Variants in PPP3CA observed in about 807,000 individuals in gnomAD.
PPP3CA encodes the protein protein phosphatase 3 catalytic subunit alpha.
In PPP3CA, 14 loss-of-function variants were observed where a neutral mutation model predicts 66.5. That is an observed-to-expected ratio of 0.21 (90% CI 0.14 to 0.33). The LOEUF (loss-of-function observed/expected upper bound fraction) is 0.33, where lower values mean the gene tolerates loss of function less well. Among genes scored for constraint, PPP3CA ranks in the 10% least tolerant of loss-of-function variants. The probability of loss-of-function intolerance (pLI) is 1.00; values close to 1 mark genes in which losing one functional copy is unlikely to be tolerated. For missense variants in PPP3CA, 317 were observed against 639.5 expected, an observed-to-expected ratio of 0.50 and a Z score of 5.44; for synonymous variants, 232 against 226.2, an observed-to-expected ratio of 1.03 and a Z score of -0.23.
intron 1 of PPP3CA, among the ~76,000 whole-genome samples, chr4:101,286,998 T>G (rs1344818891): frequency 2.0e-5 from 3 of 151,862 alleles, no homozygotes; most frequent in African/African-American, 7.3e-5. Context: ...GCATATATAT[T>G]CTTTCCAGCA....
At chr4:101,218,686 G>A (rs537214982) in intron 1 of PPP3CA, among the ~76,000 whole-genome samples, 6 of 151,970 alleles carry the variant, frequency 3.9e-5, no homozygotes, top group East Asian at 1.9e-4. Flanking sequence ...CCAACATCCC[G>A]ATAAGATAGG....
At chr4:101,222,764 G>A (rs1725666955) in intron 1 of PPP3CA, among the ~76,000 whole-genome samples, 2 of 151,650 alleles carry the variant, frequency 1.3e-5, no homozygotes, top group Admixed American at 6.6e-5. Context: ...AAATATGAAC[G>A]AACTTTCATT....
intron 2 of PPP3CA, among the ~76,000 whole-genome samples, chr4:101,180,564 C>A (rs765530342): frequency 3.9e-5 from 6 of 152,006 alleles, no homozygotes; most frequent in Non-Finnish European, 8.8e-5. Context: ...GTTGACCTTC[C>A]CTGATAATTA....
chr4:101,077,896 T>A (rs184166413), intron 8 of PPP3CA, among the ~76,000 whole-genome samples: 2 of 152,130 alleles, frequency 1.3e-5, no homozygotes, highest in East Asian at 3.9e-4. Flanking sequence ...AGACACCTTA[T>A]TTGAGAAATA....
intron 2 of PPP3CA, among the ~76,000 whole-genome samples, chr4:101,163,960 TTTTTA>T (rs1723604038): frequency 6.6e-6 from 1 of 150,554 alleles, no homozygotes; most frequent in South Asian, 2.1e-4. Context: ...CACAGTTTTA[TTTTTA>T]TTTTATTTTT....
rs562643231 is a variant in PPP3CA, at chr4:101,091,906, G to A, written c.782+1870C>T. Among the ~76,000 whole-genome samples, 15 of 149,956 alleles carry A rather than the reference G, an allele frequency of 1.0e-4. No homozygotes were observed. The East Asian group carries it at 2.9e-3, about 29-fold the overall frequency. On this transcript the variant is annotated intron_variant, in intron 6 of 13. Coordinates refer to ENST00000394854, the MANE Select transcript of PPP3CA (RefSeq NM_000944.5). ...AGGAGGAGGAAGGAGGAGAAGAGGA[G>A]GAGTAAGTATTCTAAAATTAAAAAT...
chr4:101,148,394 C>T (rs565827122), intron 2 of PPP3CA, among the ~76,000 whole-genome samples: 6 of 152,018 alleles, frequency 3.9e-5, no homozygotes, highest in South Asian at 4.2e-4. Flanking sequence ...ACTCAGTTGC[C>T]GTAGTTAGGC....
intron 1 of PPP3CA, among the ~76,000 whole-genome samples, chr4:101,242,087 G>C (rs1726328714): frequency 6.6e-6 from 1 of 151,954 alleles, no homozygotes; most frequent in Non-Finnish European, 1.5e-5. Flanking sequence ...AAATATACTT[G>C]TAATTGAGCA....
chr4:101,069,939 G>T (rs1332419936), intron 8 of PPP3CA, among the ~76,000 whole-genome samples: 1 of 152,146 alleles, frequency 6.6e-6, no homozygotes, highest in Non-Finnish European at 1.5e-5. Context: ...AAGGCTCTGA[G>T]CAACAGTAGG....
In PPP3CA at chr4:101,080,646, T is replaced by A; in HGVS notation, c.861-20A>T. Reference sequence around the variant, plus strand: ...CGGTACCTAAAAAGAACAAATACAGTCAAAACAAAGCTTGTATGGAAAAAA... The same window carrying A: ...CGGTACCTAAAAAGAACAAATACAGACAAAACAAAGCTTGTATGGAAAAAA... On this transcript the variant is annotated intron_variant, in intron 7 of 13. Transcript: ENST00000394854. 7.3e-7 allele frequency: 1 copy of A among 1,373,144 alleles called. No homozygotes were observed. The highest frequency in any genetic ancestry group is 9.9e-7 in the Non-Finnish European group (1 of 1,012,484). The allele number at this position is 1,373,144 out of a possible 1,614,324, so 85.1% of individuals were successfully genotyped here. A position where few individuals can be genotyped will look rare whatever the true frequency, so the allele number is the denominator to read the frequency against.
intron 1 of PPP3CA, among the ~76,000 whole-genome samples, chr4:101,302,231 G>A (rs1410740710): frequency 1.3e-5 from 2 of 152,080 alleles, no homozygotes; most frequent in Non-Finnish European, 2.9e-5. Flanking sequence ...TCAAGCATCA[G>A]CTCCCTCATT....
intron 10 of PPP3CA, among the ~76,000 whole-genome samples, chr4:101,043,701 C>T (rs973060935): frequency 2.0e-5 from 3 of 152,020 alleles, no homozygotes; most frequent in Non-Finnish European, 2.9e-5. Context: ...GGTGAAACCC[C>T]GTCTCTACTA....
intron 2 of PPP3CA, among the ~76,000 whole-genome samples, chr4:101,175,794 G>C (rs911064521): frequency 3.3e-5 from 5 of 152,104 alleles, no homozygotes; most frequent in Non-Finnish European, 5.9e-5. Context: ...CCTCAGTATA[G>C]GAGTGGAGTA....
chr4:101,329,760 G>A (rs951048895), intron 1 of PPP3CA, among the ~76,000 whole-genome samples: 1 of 152,066 alleles, frequency 6.6e-6, no homozygotes, highest in Non-Finnish European at 1.5e-5. Context: ...TGCTCCGTAA[G>A]TGGAACAACA....
intron 1 of PPP3CA, among the ~76,000 whole-genome samples, chr4:101,219,065 A>G (rs954796362): frequency 6.6e-6 from 1 of 152,084 alleles, no homozygotes; most frequent in Non-Finnish European, 1.5e-5. Flanking sequence ...GTGTTATGAA[A>G]TCAAAGTTAA....
chr4:101,150,785 C>T (rs1723111836), intron 2 of PPP3CA, among the ~76,000 whole-genome samples: 1 of 152,228 alleles, frequency 6.6e-6, no homozygotes, highest in East Asian at 1.9e-4. Context: ...TTAATCGCTT[C>T]CTCCTTGGCA....
intron 10 of PPP3CA, among the ~76,000 whole-genome samples, chr4:101,060,235 G>A (rs1728403020): frequency 6.6e-6 from 1 of 151,920 alleles, no homozygotes; most frequent in Non-Finnish European, 1.5e-5. Flanking sequence ...CCACAATCAT[G>A]CACCACCACA....
chr4:101,345,214 A>T (rs941813808), intron 1 of PPP3CA, among the ~76,000 whole-genome samples: 1 of 152,200 alleles, frequency 6.6e-6, no homozygotes, highest in African/African-American at 2.4e-5. Flanking sequence ...ACAAAAGAAG[A>T]TATTTTGTTC....
intron 2 of PPP3CA, among the ~76,000 whole-genome samples, chr4:101,122,747 A>G (rs1361005882): frequency 6.6e-6 from 1 of 152,222 alleles, no homozygotes; most frequent in Admixed American, 6.5e-5. Flanking sequence ...GGATGGTGAC[A>G]TTATATTATA....
Sources: allele counts gnomAD v4.1 joint callset (sites outside exome capture counted in the v4.1 genomes callset), GRCh38; gene constraint gnomAD v4.1.1; transcripts MANE v1.5; gene names NCBI Gene and HGNC (gene_info 2026-07-23, HGNC 2026-07-21).